Variants in RANBP2 observed in about 807,000 individuals in gnomAD.
RANBP2 encodes RAN binding protein 2, also known as E3 SUMO-protein ligase RanBP2.
In RANBP2, 57 loss-of-function variants were observed where a neutral mutation model predicts 303.6. The ratio of observed to expected loss-of-function variants is 0.19; its 90% CI spans 0.15 to 0.23. RANBP2 has a LOEUF of 0.23. RANBP2 is among the 10% of genes least tolerant of loss of function. RANBP2 has a pLI of 1.00. For missense variants in RANBP2, 3,138 were observed against 3,780.8 expected (o/e 0.83, Z 4.46); for synonymous variants, 1,167 against 1,301.5 (o/e 0.90, Z 2.23).
the RANBP2 span, among the ~76,000 whole-genome samples, chr2:108,913,240 C>T: frequency 1.2e-4 from 18 of 152,206 alleles, no homozygotes; most frequent in East Asian, 1.9e-4. Context: ...TGAGCCACCG[C>T]GCCCGGCTGG....
the RANBP2 span, among the ~76,000 whole-genome samples, chr2:109,629,487 A>G: frequency 1.3e-5 from 2 of 151,422 alleles, no homozygotes; most frequent in Admixed American, 1.3e-4. Flanking sequence ...TCTCAACACC[A>G]TGCTGTACAA....
chr2:109,386,615 G>A, the RANBP2 span, among the ~76,000 whole-genome samples: 7 of 152,180 alleles, frequency 4.6e-5, no homozygotes, highest in South Asian at 2.1e-4. Context: ...GTTTGGGCCC[G>A]GCTAATCCCT....
the RANBP2 span, chr2:109,614,283 G>A: frequency 1.7e-5 from 11 of 634,654 alleles, no homozygotes; most frequent in African/African-American, 3.8e-5. Context: ...TGGCCTGGTG[G>A]CGTGGGCGCG....
chr2:109,495,786 T>G, the RANBP2 span, among the ~76,000 whole-genome samples: 1 of 152,236 alleles, frequency 6.6e-6, no homozygotes, highest in Admixed American at 6.5e-5. Context: ...CCACTGCACC[T>G]GGCCCCCTTT....
the RANBP2 span, among the ~76,000 whole-genome samples, chr2:109,533,742 C>G: frequency 1.3e-5 from 2 of 152,200 alleles, no homozygotes; most frequent in Admixed American, 6.5e-5. Context: ...AGAAAAGCAG[C>G]CTTTACTATG....
chr2:108,809,448 T>TGTGTG, the RANBP2 span, among the ~76,000 whole-genome samples: 1 of 141,138 alleles, frequency 7.1e-6, no homozygotes. Flanking sequence ...ACATGAAATG[T>TGTGTG]TGTGTGTGTG....
At chr2:108,845,021 C>T in the RANBP2 span, among the ~76,000 whole-genome samples, 2 of 152,010 alleles carry the variant, frequency 1.3e-5, no homozygotes, top group African/African-American at 2.4e-5. Flanking sequence ...GCTGGGATTA[C>T]AGGCGTGAGC....
the RANBP2 span, among the ~76,000 whole-genome samples, chr2:109,525,084 T>C: frequency 1.3e-5 from 2 of 151,696 alleles, no homozygotes; most frequent in Non-Finnish European, 2.9e-5. Flanking sequence ...CCGTTGTTTT[T>C]TTTTTTTTTT....
chr2:109,376,916 A>G, the RANBP2 span, among the ~76,000 whole-genome samples: 34 of 152,198 alleles, frequency 2.2e-4, no homozygotes, highest in Admixed American at 2.0e-3. Flanking sequence ...CTGTGCCTAG[A>G]TAGACCCTAG....
At chr2:109,400,575 G>GCACACACACA in the RANBP2 span, among the ~76,000 whole-genome samples, 1 of 146,990 alleles carries the variant, frequency 6.8e-6, no homozygotes, top group Non-Finnish European at 1.5e-5. Context: ...ACACCTGTGC[G>GCACACACACA]CACACACACA....
At chr2:109,221,158 A>G in the RANBP2 span, among the ~76,000 whole-genome samples, 1 of 152,246 alleles carries the variant, frequency 6.6e-6, no homozygotes, top group Admixed American at 6.5e-5. Context: ...CATACAAGTC[A>G]TGCACAGAGG....
intron 12 of RANBP2, among the ~76,000 whole-genome samples, chr2:108,752,396 G>A (rs972929894): frequency 7.9e-5 from 12 of 151,932 alleles, no homozygotes; most frequent in Non-Finnish European, 1.3e-4. Context: ...AGAAGAGGCA[G>A]GTTTCAGCTA....
the RANBP2 span, among the ~76,000 whole-genome samples, chr2:109,421,905 A>G: frequency 1.3e-5 from 2 of 152,186 alleles, no homozygotes; most frequent in East Asian, 3.9e-4. Context: ...AACATTACAT[A>G]CGTTACAGCA....
At chr2:109,093,645 CT>C in the RANBP2 span, among the ~76,000 whole-genome samples, 1 of 151,700 alleles carries the variant, frequency 6.6e-6, no homozygotes, top group Non-Finnish European at 1.5e-5. Context: ...GAAAAAAGAG[CT>C]CTATGGTTAA....
the RANBP2 span, among the ~76,000 whole-genome samples, chr2:108,902,539 G>C: frequency 6.6e-6 from 1 of 152,104 alleles, no homozygotes; most frequent in African/African-American, 2.4e-5. Context: ...TATTCTATGA[G>C]GGTAGTATAA....
chr2:109,466,130 A>G, the RANBP2 span, among the ~76,000 whole-genome samples: 1 of 118,706 alleles, frequency 8.4e-6, no homozygotes, highest in Non-Finnish European at 1.6e-5. Context: ...CCCAGGCTGG[A>G]GTGCAGCAGT....
chr2:109,722,700 G>T, the RANBP2 span, among the ~76,000 whole-genome samples: 19 of 152,232 alleles, frequency 1.2e-4, no homozygotes, highest in African/African-American at 4.6e-4. Flanking sequence ...TGTTTTCATT[G>T]TTCAGCTCCC....
At chr2:109,264,760 A>G in the RANBP2 span, among the ~76,000 whole-genome samples, 1 of 152,172 alleles carries the variant, frequency 6.6e-6, no homozygotes, top group Non-Finnish European at 1.5e-5. Context: ...CTGGGCGGGC[A>G]TCTCATTCTT....
At chr2:108,971,358 C>T in the RANBP2 span, among the ~76,000 whole-genome samples, 2 of 152,186 alleles carry the variant, frequency 1.3e-5, no homozygotes, top group East Asian at 3.9e-4. Context: ...AGGCCGCACC[C>T]GAGACCTCCA....
Sources: gnomAD v4.1 joint callset for allele counts (sites outside exome capture counted in the v4.1 genomes callset) on GRCh38, gnomAD v4.1.1 for gene constraint, MANE v1.5 for transcripts, NCBI Gene and HGNC (gene_info 2026-07-23, HGNC 2026-07-21) for gene names.